The following OSTM1 variants were observed in gnomAD, a reference collection of about 807,000 sequenced individuals.
OSTM1 encodes osteopetrosis-associated transmembrane protein 1.
In OSTM1, 26 loss-of-function variants were observed where a neutral mutation model predicts 35.4. That is an observed-to-expected ratio of 0.73 (90% CI 0.54 to 1.02). OSTM1 has a LOEUF of 1.02. OSTM1 is among the 50% of genes least tolerant of loss of function. The probability of loss-of-function intolerance (pLI) is 0.00; values close to 1 mark genes in which losing one functional copy is unlikely to be tolerated. For missense variants in OSTM1, 366 were observed against 409.6 expected, an observed-to-expected ratio of 0.89 and a Z score of 0.92; for synonymous variants, 181 against 165.0, an observed-to-expected ratio of 1.10 and a Z score of -0.75.
chr6:108,068,017 G>A (rs946463126), intron 1 of OSTM1, among the ~76,000 whole-genome samples: 4 of 151,660 alleles, frequency 2.6e-5, no homozygotes, highest in African/African-American at 4.8e-5. Flanking sequence ...TCTCACTTTC[G>A]TACCCAAGGA....
intron 1 of OSTM1, among the ~76,000 whole-genome samples, chr6:108,065,478 T>C (rs965915019): frequency 1.3e-5 from 2 of 151,824 alleles, no homozygotes; most frequent in African/African-American, 4.8e-5. Flanking sequence ...CCTCAGACGA[T>C]CCACCTGCCT....
chr6:108,064,358 C>T (rs953067054), intron 1 of OSTM1, 59 bp from the exon 2 acceptor site: 1 of 917,682 alleles, frequency 1.1e-6, no homozygotes. Context: ...TTGCAAACAA[C>T]TTGAGGCAAA....
Position 108,051,131 on chromosome 6 carries a change from T to G in OSTM1, c.683A>C (p.Tyr228Ser). The G allele has an allele frequency of 6.2e-7, 1 of 1,613,640 alleles. No individual in the cohort carries two copies. The highest frequency in any genetic ancestry group is 1.1e-5 in the South Asian group (1 of 91,074). The change falls in exon 4 of 6, where the codon TAC becomes TCC. Residue 228 changes from tyrosine (Y) to serine (S), a missense_variant. Tyr to Ser is a moderately radical substitution (Grantham distance 144). This residue lies in a region of OSTM1 where 125 missense variants were observed against 151.7 expected (regional missense o/e 0.82). Transcript: ENST00000193322. ...SEVCKNCREA[Y>S]KTLSSLYSEM... ...ACTGTACAGACTACTCAGAGTTTTGTATGCTTCACGGCAGTTTTTGCATAC... is the reference window on the plus strand; with the variant it reads ...ACTGTACAGACTACTCAGAGTTTTGGATGCTTCACGGCAGTTTTTGCATAC...
rs576126380 is a variant in OSTM1 at position 108,064,061 on chromosome 6, T to C, written c.517+124A>G. 1.5e-3 allele frequency: 1,010 copies of C among 670,166 alleles called. 18 individuals carry two copies. In the South Asian group the frequency reaches 0.016, roughly 11 times the overall value. The allele number at this position is 670,166 out of a possible 1,614,324, so 41.5% of individuals were successfully genotyped here. A position where few individuals can be genotyped will look rare whatever the true frequency, so the allele number is the denominator to read the frequency against. On this transcript the variant is annotated intron_variant, in intron 2 of 5. Transcript: ENST00000193322. Reference sequence around the variant, plus strand: ...TAATAAACCATGGTGTCCATGACAGTTTATTTAAACTTAGCAATAAAAAGT... The same window carrying C: ...TAATAAACCATGGTGTCCATGACAGCTTATTTAAACTTAGCAATAAAAAGT...
At chr6:108,050,047 A>G (rs1313081858) in intron 4 of OSTM1, among the ~76,000 whole-genome samples, 2 of 152,206 alleles carry the variant, frequency 1.3e-5, no homozygotes, top group Non-Finnish European at 2.9e-5. Flanking sequence ...CATGATTGCC[A>G]TCTAGTGGCA....
intron 1 of OSTM1, among the ~76,000 whole-genome samples, chr6:108,066,968 T>C (rs1228143642): frequency 6.6e-6 from 1 of 152,192 alleles, no homozygotes; most frequent in East Asian, 1.9e-4. Context: ...CCTAACTACT[T>C]AGCAGAACCC....
At chr6:108,049,573 A>G in intron 4 of OSTM1, 155 bp from the exon 5 acceptor site, 1 of 1,441,722 alleles carries the variant, frequency 6.9e-7, no homozygotes, top group African/African-American at 1.4e-5. Flanking sequence ...TTCTTCTGCC[A>G]GGAAAAAAAC....
At position 108,044,697 on chromosome 6, in the gene OSTM1, T is replaced by A. The variant is rs574030337; in HGVS notation, c.*88A>T. The A allele has an allele frequency of 2.6e-6, 2 of 771,404 alleles. No individual in the cohort carries two copies. Among genetic ancestry groups the A allele is most frequent in the Non-Finnish European group, 2.3e-6 (1 of 436,660 alleles). 47.8% of individuals were successfully genotyped at this position (771,404 alleles called of 1,614,324 possible). ...TTGTATTTCTTAAGAGCTTGACTTG[T>A]CAAATCACAGTTTATCTTCTTTCTG... On this transcript the variant is annotated 3_prime_UTR_variant, in exon 6 of 6. Transcript: ENST00000193322.
At chr6:108,046,222 G>GT (rs1562368858) in intron 5 of OSTM1, among the ~76,000 whole-genome samples, 1 of 136,908 alleles carries the variant, frequency 7.3e-6, no homozygotes, top group African/African-American at 2.8e-5. Context: ...GGATTTCACC[G>GT]TGTTAGCCAG....
At chr6:108,073,191 CA>C (rs779780337) in intron 1 of OSTM1, among the ~76,000 whole-genome samples, 12 of 152,172 alleles carry the variant, frequency 7.9e-5, no homozygotes, top group Non-Finnish European at 1.5e-4. Flanking sequence ...CAACTATAAA[CA>C]AGTTTAGACA....
chr6:108,056,264 C>T (rs1772168210), intron 2 of OSTM1, among the ~76,000 whole-genome samples: 1 of 152,126 alleles, frequency 6.6e-6, no homozygotes, highest in African/African-American at 2.4e-5. Flanking sequence ...AAATAAGGAA[C>T]AGAGATAGGT....
rs575028400 is a variant in OSTM1 at position 108,055,438 on chromosome 6, T to C, written c.518-851A>G. 3.3e-5 allele frequency among the ~76,000 whole-genome samples: 5 copies of C among 152,244 alleles called. No homozygotes were observed. The East Asian group carries it at 5.8e-4, about 18-fold the overall frequency. Reference sequence around the variant, plus strand: ...CGCAAGTGATGTTCCCACCTCAACCTTCCAAAGTGCTGGGATTACTTAAAG... The same window carrying C: ...CGCAAGTGATGTTCCCACCTCAACCCTCCAAAGTGCTGGGATTACTTAAAG... On this transcript the variant is annotated intron_variant, in intron 2 of 5. Transcript: ENST00000193322.
At chr6:108,071,537 T>C (rs1772485338) in intron 1 of OSTM1, among the ~76,000 whole-genome samples, 1 of 145,962 alleles carries the variant, frequency 6.9e-6, no homozygotes, top group Non-Finnish European at 1.5e-5. Context: ...GGTCTCGAAC[T>C]CCTGGCCTCA....
At chr6:108,048,834 C>T (rs1582387024) in intron 5 of OSTM1, among the ~76,000 whole-genome samples, 1 of 148,520 alleles carries the variant, frequency 6.7e-6, no homozygotes, top group African/African-American at 2.5e-5. Context: ...TCACTGCAAC[C>T]TCCGCCTCCC....
chr6:108,066,536 TG>T (rs1205167970), intron 1 of OSTM1, among the ~76,000 whole-genome samples: 1 of 152,198 alleles, frequency 6.6e-6, no homozygotes, highest in Non-Finnish European at 1.5e-5. Flanking sequence ...GGTGGTTATT[TG>T]TGTCAAATCC....
chr6:108,058,210 A>T (rs984911034), intron 2 of OSTM1, among the ~76,000 whole-genome samples: 4 of 152,134 alleles, frequency 2.6e-5, no homozygotes, highest in African/African-American at 9.7e-5. Context: ...GAAACCTACT[A>T]AATTATCATA....
intron 5 of OSTM1, among the ~76,000 whole-genome samples, chr6:108,045,164 A>G (rs1270023586): frequency 6.6e-6 from 1 of 152,194 alleles, no homozygotes; most frequent in Non-Finnish European, 1.5e-5. Flanking sequence ...ATAAGGTAGA[A>G]TAACAAAATT....
At chr6:108,067,432 G>A (rs1197294130) in intron 1 of OSTM1, among the ~76,000 whole-genome samples, 1 of 152,052 alleles carries the variant, frequency 6.6e-6, no homozygotes, top group Non-Finnish European at 1.5e-5. Flanking sequence ...TTTCTCTAAA[G>A]GACCCTTACT....
intron 2 of OSTM1, among the ~76,000 whole-genome samples, chr6:108,061,428 C>G (rs2114603517): frequency 6.6e-6 from 1 of 151,474 alleles, no homozygotes; most frequent in South Asian, 2.1e-4. Flanking sequence ...AAACTTCTTA[C>G]TGGTCTCTCT....
Sources: allele counts gnomAD v4.1 joint callset (sites outside exome capture counted in the v4.1 genomes callset), GRCh38; gene constraint gnomAD v4.1.1; regional missense constraint gnomAD v4.1.1; transcripts MANE v1.5; gene names NCBI Gene and HGNC (gene_info 2026-07-23, HGNC 2026-07-21).